The following SUPT3H variants were observed in gnomAD, a reference collection of about 807,000 sequenced individuals.
The protein encoded by SUPT3H is SPT3 homolog, SAGA and STAGA complex component.
SUPT3H carries 44 observed loss-of-function variants against 44.3 expected under a neutral mutation model. The ratio of observed to expected loss-of-function variants is 0.99; its 90% CI spans 0.78 to 1.28. The LOEUF (loss-of-function observed/expected upper bound fraction) is 1.28, where lower values mean the gene tolerates loss of function less well. SUPT3H is among the 50% of genes most tolerant of loss of function. The pLI is 0.00. For missense variants in SUPT3H, 380 were observed against 387.1 expected (o/e 0.98, Z 0.15); for synonymous variants, 124 against 125.6 (o/e 0.99, Z 0.09).
intron 2 of SUPT3H, among the ~76,000 whole-genome samples, chr6:45,113,921 A>C (rs1800458771): frequency 2.0e-5 from 3 of 151,974 alleles, no homozygotes; most frequent in African/African-American, 7.2e-5. Context: ...TTTCTCAACA[A>C]CCATTTCCCC....
At chr6:45,311,726 T>C (rs570364186) in intron 2 of SUPT3H, among the ~76,000 whole-genome samples, 2 of 152,128 alleles carry the variant, frequency 1.3e-5, no homozygotes, top group East Asian at 1.9e-4. Context: ...ACATCATATA[T>C]GAAGGAAAGA....
chr6:45,080,434 C>T (rs1196197641), intron 3 of SUPT3H, among the ~76,000 whole-genome samples: 5 of 151,998 alleles, frequency 3.3e-5, no homozygotes, highest in East Asian at 3.9e-4. Context: ...TATACCTCTG[C>T]TAGGTATATC....
intron 6 of SUPT3H, among the ~76,000 whole-genome samples, chr6:44,997,781 T>C (rs896171168): frequency 2.0e-5 from 3 of 151,864 alleles, no homozygotes; most frequent in Non-Finnish European, 2.9e-5. Context: ...TTAAGTGAGA[T>C]ATTTTTTATC....
chr6:44,928,904 AGAAAAG>A (rs1770052771), intron 10 of SUPT3H, among the ~76,000 whole-genome samples: 3 of 81,022 alleles, frequency 3.7e-5, no homozygotes, highest in African/African-American at 5.9e-5. Flanking sequence ...AAAAAAAAAA[AGAAAAG>A]AAAAGAAACA....
intron 3 of SUPT3H, among the ~76,000 whole-genome samples, chr6:45,096,446 A>G (rs1392678647): frequency 1.3e-5 from 2 of 152,212 alleles, no homozygotes; most frequent in Non-Finnish European, 2.9e-5. Context: ...AGGGAAAAAC[A>G]GTCAACTCAG....
At chr6:44,948,794 G>A (rs971746750) in intron 9 of SUPT3H, among the ~76,000 whole-genome samples, 21 of 152,224 alleles carry the variant, frequency 1.4e-4, no homozygotes, top group African/African-American at 5.1e-4. Flanking sequence ...CTGCTGGTGG[G>A]ACTGTAAACT....
At chr6:45,320,624 T>C (rs1355924591) in intron 2 of SUPT3H, among the ~76,000 whole-genome samples, 1 of 152,052 alleles carries the variant, frequency 6.6e-6, no homozygotes, top group Non-Finnish European at 1.5e-5. Flanking sequence ...AATTCAGCCA[T>C]ACTCATTTGT....
chr6:44,818,117 T>C (rs961704630), intron 11 of SUPT3H, among the ~76,000 whole-genome samples: 1 of 152,090 alleles, frequency 6.6e-6, no homozygotes, highest in African/African-American at 2.4e-5. Context: ...AATAGACTAA[T>C]GGAACAAAAC....
intron 10 of SUPT3H, among the ~76,000 whole-genome samples, chr6:44,838,268 AAC>A (rs1466782719): frequency 6.6e-6 from 1 of 152,230 alleles, no homozygotes; most frequent in Non-Finnish European, 1.5e-5. Flanking sequence ...TCATTCAAAA[AAC>A]ACAGAGTACA....
chr6:45,056,936 A>T (rs1276712544), intron 3 of SUPT3H, among the ~76,000 whole-genome samples: 2 of 152,128 alleles, frequency 1.3e-5, no homozygotes, highest in African/African-American at 4.8e-5. Context: ...ACACACAGGA[A>T]AAAAGGCAAT....
chr6:45,080,872 G>A (rs1795703863), intron 3 of SUPT3H, among the ~76,000 whole-genome samples: 1 of 151,992 alleles, frequency 6.6e-6, no homozygotes, highest in African/African-American at 2.4e-5. Flanking sequence ...GCAGAACAGA[G>A]TGACTACAAT....
chr6:45,197,629 AT>A, intron 2 of SUPT3H: 1 of 351,616 alleles, frequency 2.8e-6, no homozygotes, highest in Non-Finnish European at 5.6e-6. Context: ...GTTTTGTGGT[AT>A]TTGCAGAAAA....
chr6:45,084,205 A>C (rs924119041), intron 3 of SUPT3H, among the ~76,000 whole-genome samples: 1 of 152,194 alleles, frequency 6.6e-6, no homozygotes, highest in African/African-American at 2.4e-5. Context: ...GTACGTTAGA[A>C]AACTTGCAGA....
chr6:45,321,301 C>T (rs1316208560), intron 2 of SUPT3H, among the ~76,000 whole-genome samples: 1 of 152,014 alleles, frequency 6.6e-6, no homozygotes, highest in East Asian at 1.9e-4. Context: ...AGTATGATTT[C>T]CATTTGAAAT....
intron 2 of SUPT3H, among the ~76,000 whole-genome samples, chr6:45,270,583 C>T (rs979569070): frequency 2.0e-5 from 3 of 152,210 alleles, no homozygotes; most frequent in Non-Finnish European, 4.4e-5. Flanking sequence ...GGTTCCTCAG[C>T]CACGTGGAAC....
At chr6:44,890,106 G>A (rs1355653920) in intron 10 of SUPT3H, among the ~76,000 whole-genome samples, 23 of 151,394 alleles carry the variant, frequency 1.5e-4, no homozygotes, top group African/African-American at 2.4e-4. Flanking sequence ...AAGTCAGGAA[G>A]CAACACGTGC....
At chr6:44,992,649 C>A (rs1011314826) in intron 6 of SUPT3H, among the ~76,000 whole-genome samples, 6 of 151,970 alleles carry the variant, frequency 3.9e-5, no homozygotes, top group African/African-American at 1.2e-4. Context: ...ATTTTGCTCC[C>A]CTGCAGACTA....
intron 2 of SUPT3H, among the ~76,000 whole-genome samples, chr6:45,325,647 A>G (rs1253980072): frequency 1.7e-5 from 2 of 115,330 alleles, no homozygotes; most frequent in African/African-American, 5.8e-5. Flanking sequence ...AAAAAGCAAA[A>G]ATAAAAATAA....
chr6:44,920,725 C>T (rs1768570589), intron 10 of SUPT3H, among the ~76,000 whole-genome samples: 1 of 152,124 alleles, frequency 6.6e-6, no homozygotes, highest in Non-Finnish European at 1.5e-5. Flanking sequence ...GGTAAACTGG[C>T]TCGCAATTAA....
Sources: allele counts gnomAD v4.1 joint callset (sites outside exome capture counted in the v4.1 genomes callset), GRCh38; gene constraint gnomAD v4.1.1; transcripts MANE v1.5; gene names NCBI Gene and HGNC (gene_info 2026-07-23, HGNC 2026-07-21).